RNF168: variants seen among roughly 807,000 people sequenced by gnomAD.
RNF168 encodes ring finger protein 168, also known as E3 ubiquitin-protein ligase RNF168.
RNF168 carries 34 observed loss-of-function variants against 34.9 expected under a neutral mutation model. The observed-to-expected ratio is 0.97, with a 90% CI of 0.74 to 1.30. The LOEUF (loss-of-function observed/expected upper bound fraction) is 1.30. Ranked by LOEUF, RNF168 falls within the 50% of genes most tolerant of loss-of-function variation. The pLI, the probability that RNF168 is intolerant of heterozygous loss-of-function variation, is 0.00. For missense variants in RNF168, 725 were observed against 682.5 expected (o/e 1.06, Z -0.69); for synonymous variants, 264 against 254.7 (o/e 1.04, Z -0.35).
chr3:196,472,193 A>T lies in RNF168; in HGVS notation c.1342T>A (p.Leu448Ile). 1 of 1,614,024 alleles carries T rather than the reference A, an allele frequency of 6.2e-7. No homozygotes were observed. Residue 448 changes from leucine to isoleucine, a missense_variant, in exon 6 of 6, where the codon TTA (leucine) becomes ATA (isoleucine). Physicochemically the swap from Leu to Ile is conservative, Grantham distance 5. Coordinates refer to ENST00000318037, the MANE Select transcript of RNF168 (RefSeq NM_152617.4). ...ERHKQEEQDR[L>I]LALQLQKEVD... ...TCCTTCTGAAGTTGTAATGCCAATA[A>T]CCTGTCCTGTTCTTCTTGTTTATGT...
At position 196,503,463 on chromosome 3, in the gene RNF168, G is replaced by A. The variant is rs1175969399; in HGVS notation, c.-290C>T. 5 of 432,430 alleles carry A rather than the reference G, an allele frequency of 1.2e-5. No homozygotes were observed. Among genetic ancestry groups the A allele is most frequent in the Non-Finnish European group, 2.1e-5 (5 of 232,730 alleles). 26.8% of individuals were successfully genotyped at this position (432,430 alleles called of 1,614,324 possible). ...GTCGGAGGAGCCTGGCTGCTCCGCG[G>A]CATGAACACCGCGGCTGCGGCTCCC... is the stretch of plus-strand genomic sequence containing the variant. On this transcript the variant is annotated 5_prime_UTR_variant, in exon 1 of 6. Transcript: ENST00000318037.
intron 4 of RNF168, among the ~76,000 whole-genome samples, chr3:196,483,559 A>G (rs1010225769): frequency 2.6e-5 from 4 of 152,346 alleles, no homozygotes; most frequent in East Asian, 1.9e-4. Flanking sequence ...CAGTAAGATA[A>G]AAGTATGAAT....
rs78108021 is a variant in RNF168 at position 196,474,447 on chromosome 3, C to CTT, written c.762+782_762+783dup. Among the ~76,000 whole-genome samples, 153 of 121,382 alleles carry CTT rather than the reference C, an allele frequency of 1.3e-3. 2 individuals are homozygous for CTT. The highest frequency in any genetic ancestry group is 3.0e-3 in the African/African-American group (97 of 32,550). 79.6% of individuals were successfully genotyped at this position (121,382 alleles called of 152,430 possible). ...GCTTGGCCTCCCATCTTGTAATATT[C>CTT]TTTTTTTTTTTTTTTTTGAAACAGA... On this transcript the variant is annotated intron_variant, in intron 5 of 5. Coordinates refer to ENST00000318037, the MANE Select transcript of RNF168 (RefSeq NM_152617.4).
intron 4 of RNF168, among the ~76,000 whole-genome samples, chr3:196,477,882 G>A (rs918968848): frequency 2.6e-5 from 4 of 152,208 alleles, no homozygotes; most frequent in South Asian, 2.1e-4. Context: ...CCAGGAGTCC[G>A]AAAACTGGAC....
rs35132476 is a variant in RNF168, at chr3:196,472,054, G to A, written c.1481C>T (p.Pro494Leu). The A allele has an allele frequency of 1.3e-3, 2,018 of 1,613,714 alleles. 29 individuals carry two copies. In the African/African-American group the frequency reaches 0.024, roughly 19 times the overall value. Residue 494 changes from proline to leucine, a missense_variant, in exon 6 of 6, where the codon CCC (proline) becomes CTC (leucine). Physicochemically the swap from Pro to Leu is moderately conservative, Grantham distance 98 (BLOSUM62 -3). Coordinates refer to ENST00000318037, the MANE Select transcript of RNF168 (RefSeq NM_152617.4). The part of the protein sequence containing the change: ...DKVLNGQRKN[P>L]KDGNFKRQTH... ...TTGCCTTTTGAAGTTCCCATCTTTG[G>A]GATTCTTCCTCTGTCCATTTAGCAC...
intron 1 of RNF168, among the ~76,000 whole-genome samples, chr3:196,490,500 A>C (rs147122123): frequency 6.6e-6 from 1 of 152,146 alleles, no homozygotes; most frequent in Non-Finnish European, 1.5e-5. Flanking sequence ...GGTACAATGT[A>C]CATTATTTGG....
intron 1 of RNF168, among the ~76,000 whole-genome samples, chr3:196,500,814 C>T (rs533250045): frequency 0.045 from 6,857 of 151,816 alleles, 486 homozygotes; most frequent in African/African-American, 0.16. Flanking sequence ...CGGGTTCACG[C>T]CATTCTCCGG....
intron 3 of RNF168, 86 bp downstream of exon 3, chr3:196,487,313 A>T: frequency 1.7e-6 from 2 of 1,146,674 alleles, no homozygotes; most frequent in Middle Eastern, 1.9e-4. Context: ...CTGGAAATAC[A>T]AGGAGCTGAC....
intron 1 of RNF168, among the ~76,000 whole-genome samples, chr3:196,489,609 G>A (rs1732542873): frequency 6.6e-6 from 1 of 152,200 alleles, no homozygotes; most frequent in Non-Finnish European, 1.5e-5. Flanking sequence ...CTACAGGCGT[G>A]AGCCACCGTG....
In RNF168 at chr3:196,487,631, G is replaced by C. The variant is rs1168342910; in HGVS notation, c.379-53C>G. The C allele has an allele frequency of 4.0e-6, 6 of 1,496,942 alleles. No homozygotes were observed. In the African/African-American group the frequency reaches 6.9e-5, roughly 17 times the overall value. 92.7% of individuals were successfully genotyped at this position (1,496,942 alleles called of 1,614,324 possible). A position where few individuals can be genotyped will look rare whatever the true frequency, so the allele number is the denominator to read the frequency against. On this transcript the variant is annotated intron_variant, in intron 2 of 5. Transcript: ENST00000318037. The stretch of plus-strand genomic sequence containing the variant: ...CTTCTCTGAACGTTTTGGTATACTT[G>C]CAATATTTCATAACAAGAATAGAAA...
chr3:196,488,580 C>CA (rs62798260), intron 2 of RNF168, 27 bp downstream of exon 2: 22,245 of 1,110,394 alleles, frequency 0.02, no homozygotes, highest in East Asian at 0.098. Context: ...AGAAATATTC[C>CA]AAAAAAAAAA....
chr3:196,477,026 G>T (rs1451810642), intron 4 of RNF168, among the ~76,000 whole-genome samples: 1 of 152,142 alleles, frequency 6.6e-6, no homozygotes, highest in Non-Finnish European at 1.5e-5. Context: ...GGGATTACAG[G>T]CGTGAGCCAC....
At chr3:196,478,141 CTTT>C (rs201177681) in intron 4 of RNF168, among the ~76,000 whole-genome samples, 1 of 150,362 alleles carries the variant, frequency 6.7e-6, no homozygotes, top group African/African-American at 2.4e-5. Flanking sequence ...GTTTTAAGAA[CTTT>C]TTTTTTTCTT....
In RNF168 at chr3:196,503,541, T is replaced by G; in HGVS notation, c.-368A>C. The G allele has an allele frequency of 3.1e-6, 1 of 327,114 alleles. No individual in the cohort carries two copies. The highest frequency in any genetic ancestry group is 2.5e-5 in the South Asian group (1 of 39,466). 20.3% of individuals were successfully genotyped at this position (327,114 alleles called of 1,614,324 possible). A position where few individuals can be genotyped will look rare whatever the true frequency, so the allele number is the denominator to read the frequency against. On this transcript the variant is annotated 5_prime_UTR_variant, in exon 1 of 6. Transcript: ENST00000318037. ...CTCTCCTCCCCTCACCCGGAAAGGATGCTCCGCTCAGCTCGGGGCAGCCGG... is the reference window on the plus strand; with the variant it reads ...CTCTCCTCCCCTCACCCGGAAAGGAGGCTCCGCTCAGCTCGGGGCAGCCGG...
chr3:196,496,747 T>C (rs1732752125), intron 1 of RNF168, among the ~76,000 whole-genome samples: 1 of 152,182 alleles, frequency 6.6e-6, no homozygotes, highest in African/African-American at 2.4e-5. Context: ...TTCAGGCCTG[T>C]AATTCCAGCA....
At position 196,469,397 on chromosome 3, in the gene RNF168, A is replaced by G. The variant is rs906690329; in HGVS notation, c.*2422T>C. ...ATTAGCACAGAATTTATAATTACCC[A>G]ATCAGCATTGACATAGATGCCATCA... On this transcript the variant is annotated 3_prime_UTR_variant, in exon 6 of 6. Transcript: ENST00000318037. The G allele has an allele frequency of 6.6e-6, 1 of 152,212 alleles. No individual in the cohort carries two copies. Among genetic ancestry groups the G allele is most frequent in the African/African-American group, 2.4e-5 (1 of 41,448 alleles). The allele number at this position is 152,212 out of a possible 1,614,324, so 9.4% of individuals were successfully genotyped here. A position where few individuals can be genotyped will look rare whatever the true frequency, so the allele number is the denominator to read the frequency against.
Position 196,483,893 on chromosome 3 carries a change from T to C in RNF168, c.559-2A>G, listed in dbSNP as rs763568642. On this transcript the variant is annotated splice_acceptor_variant, in intron 3 of 5. Transcript: ENST00000318037. LOFTEE classifies it high-confidence loss of function. ...GATACTTCCCTCACAGAAATTGTTC[T>C]TCAACAATAGAAAAAGCATAACAGA... The C allele has an allele frequency of 1.5e-5, 24 of 1,604,142 alleles. No homozygotes were observed. Among genetic ancestry groups the C allele is most frequent in the African/African-American group, 5.4e-5 (4 of 74,720 alleles).
At chr3:196,479,477 T>C (rs1283705736) in intron 4 of RNF168, among the ~76,000 whole-genome samples, 1 of 151,788 alleles carries the variant, frequency 6.6e-6, no homozygotes, top group Non-Finnish European at 1.5e-5. Flanking sequence ...TTTTTGTTAT[T>C]TTTTGTAGAG....
intron 1 of RNF168, among the ~76,000 whole-genome samples, chr3:196,502,587 C>CAAA (rs1170053741): frequency 4.1e-5 from 5 of 120,898 alleles, no homozygotes; most frequent in Admixed American, 8.6e-5. Flanking sequence ...GATCCTGTCT[C>CAAA]AAAAAAAAAA....
Sources: gnomAD v4.1 joint callset for allele counts (sites outside exome capture counted in the v4.1 genomes callset) on GRCh38, gnomAD v4.1.1 for gene constraint, MANE v1.5 for transcripts, NCBI Gene and HGNC (gene_info 2026-07-23, HGNC 2026-07-21) for gene names.